DENND2B: variants seen among roughly 807,000 people sequenced by gnomAD.
DENND2B encodes the protein DENN domain containing 2B, also known as DENN domain-containing protein 2B.
DENND2B carries 32 observed loss-of-function variants against 116.0 expected under a neutral mutation model. The observed-to-expected ratio is 0.28, with a 90% CI of 0.21 to 0.37. The LOEUF (loss-of-function observed/expected upper bound fraction) is 0.37. Among genes scored for constraint, DENND2B ranks in the 10% least tolerant of loss-of-function variants. The pLI is 1.00. For missense variants in DENND2B, 1,276 were observed against 1,477.7 expected (o/e 0.86, Z 2.24); for synonymous variants, 588 against 583.9 (o/e 1.01, Z -0.10).
chr11:8,874,311 T>G (rs372164954), upstream of DENND2B, among the ~76,000 whole-genome samples: 1 of 152,242 alleles, frequency 6.6e-6, no homozygotes, highest in African/African-American at 2.4e-5. Flanking sequence ...CAACACATCT[T>G]GTAGCTAAGG....
rs1230649608 is a variant in DENND2B, at chr11:8,730,847, C to G, written c.443G>C (p.Arg148Pro). 1.2e-6 allele frequency: 2 copies of G among 1,613,262 alleles called. No individual in the cohort carries two copies. The highest frequency in any genetic ancestry group is 1.7e-6 in the Non-Finnish European group (2 of 1,179,938). ...ACCGGTACGGGTCAGCAAGACGCCCCGGGGGCCAGCTGCTGGCCCCGGGAA... is the reference window on the plus strand; with the variant it reads ...ACCGGTACGGGTCAGCAAGACGCCCGGGGGGCCAGCTGCTGGCCCCGGGAA... ...TPFPGPAAGP[R>P]GVLLTRTGTR... Residue 148 changes from arginine (R) to proline (P), a missense_variant, in exon 3 of 20, where the codon CGG becomes CCG. Around this residue, in one of 2 missense-constraint regions of DENND2B, gnomAD observed 856 missense variants for 846.6 expected, o/e 1.01. Coordinates refer to ENST00000313726, the MANE Select transcript of DENND2B (RefSeq NM_213618.2). This position sits in a 1 kb window ranked among gnomAD's most constrained non-coding sequence, Gnocchi z 4.1.
rs1555223231 is a variant in DENND2B, at chr11:8,901,229, C to CTTTTT, written c.-256+9587_-256+9591dup. ...CTTTTTCTTTCTTTTCTTTTCTTTT[C>CTTTTT]TTTTTTTTTTTTTTTTTTGAGATGG... On this transcript the variant is annotated intron_variant, in intron 1 of 22. Transcript: ENST00000534127. Among the ~76,000 whole-genome samples the CTTTTT allele has an allele frequency of 2.3e-3, 191 of 83,934 alleles. 1 individual carries two copies. The highest frequency in any genetic ancestry group is 3.7e-3 in the Non-Finnish European group (168 of 45,260). 55.1% of individuals were successfully genotyped at this position (83,934 alleles called of 152,430 possible). A position where few individuals can be genotyped will look rare whatever the true frequency, so the allele number is the denominator to read the frequency against.
Position 8,707,780 on chromosome 11 carries a change from G to A in DENND2B, c.2427C>T (p.Ser809=). The change falls in exon 12 of 20, where the codon TCC becomes TCT. Residue 809 remains serine, a synonymous_variant. Coordinates refer to ENST00000313726, the MANE Select transcript of DENND2B (RefSeq NM_213618.2). This position sits in a 1 kb window ranked among gnomAD's most constrained non-coding sequence, Gnocchi z 4.8. ...GAAGCCTGCCAGAGCCTCTTACCTT[G>A]GAAAACAAGCCGAAGCAGCCAAGGC... ...ISRLGCFGLF[S]KVLDEVERRR... 1.2e-6 allele frequency: 2 copies of A among 1,607,766 alleles called. No homozygotes were observed. Among genetic ancestry groups the A allele is most frequent in the Non-Finnish European group, 1.7e-6 (2 of 1,177,418 alleles).
intron 1 of DENND2B, among the ~76,000 whole-genome samples, chr11:8,757,713 T>C (rs1209453749): frequency 2.0e-5 from 3 of 152,168 alleles, no homozygotes; most frequent in Non-Finnish European, 4.4e-5. Context: ...ACAGGGTTAG[T>C]TACACTTTAC....
chr11:8,890,104 C>T (rs928060457), intron 1 of DENND2B, among the ~76,000 whole-genome samples: 1 of 152,192 alleles, frequency 6.6e-6, no homozygotes, highest in African/African-American at 2.4e-5. Context: ...TGTTCTGCAG[C>T]CTCCACTGCT....
intron 13 of DENND2B, among the ~76,000 whole-genome samples, chr11:8,706,611 C>T (rs932838122): frequency 9.2e-5 from 14 of 152,156 alleles, no homozygotes; most frequent in African/African-American, 3.4e-4. Context: ...AAAGCAGACT[C>T]CCCTGTTTCA....
chr11:8,700,801 C>CT (rs1308871719), intron 14 of DENND2B, among the ~76,000 whole-genome samples: 2 of 151,878 alleles, frequency 1.3e-5, no homozygotes, highest in South Asian at 2.1e-4. Flanking sequence ...TTTTTGTTTC[C>CT]TTTTTTTAAA....
intron 1 of DENND2B, among the ~76,000 whole-genome samples, chr11:8,803,106 C>T (rs535738302): frequency 7.9e-5 from 12 of 152,134 alleles, no homozygotes; most frequent in African/African-American, 2.9e-4. Context: ...AAGTCAGGGC[C>T]AGGTGTGGTG....
chr11:8,825,296 T>C (rs138883713), intron 4 of DENND2B, among the ~76,000 whole-genome samples: 2 of 152,344 alleles, frequency 1.3e-5, no homozygotes, highest in East Asian at 1.9e-4. Flanking sequence ...CTTTTTTTCA[T>C]ATGCTTGTTG....
At chr11:8,803,277 G>C (rs977499032) in intron 1 of DENND2B, among the ~76,000 whole-genome samples, 12 of 152,166 alleles carry the variant, frequency 7.9e-5, no homozygotes, top group African/African-American at 2.9e-4. Flanking sequence ...CCCAGCTACT[G>C]GGGAGGCTGA....
chr11:8,730,465 C>A lies in DENND2B; in HGVS notation c.825G>T (p.Arg275Ser). 3 of 1,611,552 alleles carry A rather than the reference C, an allele frequency of 1.9e-6. No homozygotes were observed. The highest frequency in any genetic ancestry group is 2.5e-6 in the Non-Finnish European group (3 of 1,180,010). The change falls in exon 3 of 20, where the codon AGG (arginine) becomes AGT (serine). Residue 275 changes from arginine (R) to serine (S), a missense_variant. Coordinates refer to ENST00000313726, the MANE Select transcript of DENND2B (RefSeq NM_213618.2). The surrounding 1 kb of genome is among the most constrained non-coding windows in gnomAD (Gnocchi z 4.1). The part of the protein sequence containing the change: ...PSAFLRGHGS[R>S]KESSAVLSRI... ...GGCTCAGCACTGCTGAGCTCTCCTTCCTGCTGCCATGCCCCCTGAGGAAGG... is the reference window on the plus strand; with the variant it reads ...GGCTCAGCACTGCTGAGCTCTCCTTACTGCTGCCATGCCCCCTGAGGAAGG...
intron 1 of DENND2B, among the ~76,000 whole-genome samples, chr11:8,900,703 A>C (rs2064156710): frequency 6.6e-6 from 1 of 151,530 alleles, no homozygotes; most frequent in Non-Finnish European, 1.5e-5. Context: ...GCGGTGGCTC[A>C]TGCCTGTAAT....
At chr11:8,840,838 G>C (rs371115012) in intron 3 of DENND2B, among the ~76,000 whole-genome samples, 1 of 150,796 alleles carries the variant, frequency 6.6e-6, no homozygotes, top group Admixed American at 6.6e-5. Flanking sequence ...GCCTGGCCAC[G>C]GAACTGAAAG....
intron 1 of DENND2B, among the ~76,000 whole-genome samples, chr11:8,804,903 T>A (rs1428090166): frequency 6.6e-6 from 1 of 152,160 alleles, no homozygotes; most frequent in Non-Finnish European, 1.5e-5. Flanking sequence ...TCAACCTGTT[T>A]GAGAGACACC....
intron 2 of DENND2B, among the ~76,000 whole-genome samples, chr11:8,863,211 T>A (rs941764379): frequency 2.0e-5 from 3 of 150,794 alleles, no homozygotes; most frequent in African/African-American, 7.3e-5. Context: ...TGAAACAAGA[T>A]ATAAAGTGGC....
At chr11:8,756,805 A>G (rs10769953) in intron 1 of DENND2B, among the ~76,000 whole-genome samples, 100,375 of 151,990 alleles carry the variant, frequency 0.66, 33,252 homozygotes, top group Non-Finnish European at 0.68. Flanking sequence ...GAGAGAAGAC[A>G]CTCCTAAAGC....
At chr11:8,764,576 C>A (rs1441123685) in intron 1 of DENND2B, among the ~76,000 whole-genome samples, 1 of 152,166 alleles carries the variant, frequency 6.6e-6, no homozygotes, top group Admixed American at 6.5e-5. Context: ...AGAAGTGATA[C>A]CAGAGCACAT....
chr11:8,842,965 G>A (rs763449848), intron 3 of DENND2B, among the ~76,000 whole-genome samples: 3 of 151,946 alleles, frequency 2.0e-5, no homozygotes, highest in Non-Finnish European at 4.4e-5. Flanking sequence ...CAAAAATCCT[G>A]TACTGGCCTA....
chr11:8,836,413 CTTTTTT>C lies in DENND2B; in HGVS notation c.-115+2891_-115+2896del, dbSNP rs67181023. Among the ~76,000 whole-genome samples the C allele has an allele frequency of 2.1e-4, 16 of 77,554 alleles. 1 individual carries two copies. The highest frequency in any genetic ancestry group is 1.1e-3 in the Admixed American group (6 of 5,388). The allele number at this position is 77,554 out of a possible 152,430, so 50.9% of individuals were successfully genotyped here. On this transcript the variant is annotated intron_variant, in intron 4 of 6. Transcript: ENST00000524757. ...CAAAGACAAGCATCCTTCTGTACTT[CTTTTTT>C]TTTTTTTTTTTTTTTTTTCTGAGAC...
Sources: gnomAD v4.1 joint callset for allele counts (sites outside exome capture counted in the v4.1 genomes callset) on GRCh38, gnomAD v4.1.1 for gene constraint, gnomAD v4.1.1 regional missense constraint, Gnocchi (gnomAD v3.1) non-coding constraint, MANE v1.5 for transcripts, NCBI Gene and HGNC (gene_info 2026-07-23, HGNC 2026-07-21) for gene names.